Variants in SLC16A3 observed in about 807,000 individuals in gnomAD.
The protein encoded by SLC16A3 is monocarboxylate transporter 4.
Under a neutral mutation model 25.0 loss-of-function variants are expected in SLC16A3, and 22 were observed. The observed-to-expected ratio is 0.88, with a 90% CI of 0.63 to 1.26. SLC16A3 has a LOEUF of 1.26. SLC16A3 is among the 50% of genes most tolerant of loss of function. The pLI is 0.00. For synonymous variants in SLC16A3, 390 were observed against 309.2 expected (o/e 1.26, Z -2.74); for missense variants, 731 against 666.6 (o/e 1.10, Z -1.06).
intron 1 of SLC16A3, chr17:82,234,065 C>G (rs909542563): frequency 3.3e-5 from 5 of 152,240 alleles, no homozygotes; most frequent in East Asian, 1.9e-4. Context: ...TGGTCTCGAT[C>G]TCCTGACCTC....
rs776490272 is a variant in SLC16A3 at position 82,236,850 on chromosome 17, C to T, written c.345C>T (p.Tyr115=). ...TTTGCCGGAGCATCATCCAGGTCTA[C>T]CTCACCACTGGGGTCATCACGGGTG... ...ASFCRSIIQV[Y]LTTGVITGLG... The change falls in exon 3 of 5, where the codon TAC becomes TAT. Residue 115 remains tyrosine, a synonymous_variant. Transcript: ENST00000582743. 7 of 1,606,784 alleles carry T rather than the reference C, an allele frequency of 4.4e-6. No homozygotes were observed. Among genetic ancestry groups the T allele is most frequent in the South Asian group, 2.2e-5 (2 of 91,080 alleles).
At chr17:82,228,064 C>T (rs1442384930), upstream of SLC16A3, among the ~76,000 whole-genome samples, 1 of 152,192 alleles carries the variant, frequency 6.6e-6, no homozygotes, top group Non-Finnish European at 1.5e-5. Context: ...GTGCCTCGGT[C>T]CCCGAAGCCC....
chr17:82,224,187 C>T (rs553503144), upstream of SLC16A3, among the ~76,000 whole-genome samples: 1 of 96,572 alleles, frequency 1.0e-5, no homozygotes, highest in Non-Finnish European at 2.1e-5. Context: ...CCCCTACACC[C>T]GTGCACAGAC....
Position 82,236,726 on chromosome 17 carries a change from C to T in SLC16A3, c.224-3C>T, listed in dbSNP as rs2050612273. On this transcript the variant is annotated splice_region_variant and splice_polypyrimidine_tract_variant and intron_variant, in intron 2 of 4. Coordinates refer to ENST00000582743, the MANE Select transcript of SLC16A3 (RefSeq NM_004207.4). ...GGCCCCTCTCAGCTGCTGCCCTCTC[C>T]AGGTCCGCTCTGCAGTGTGTGCGTG... The T allele has an allele frequency of 5.0e-6, 8 of 1,605,126 alleles. No homozygotes were observed. The highest frequency in any genetic ancestry group is 3.3e-5 in the South Asian group (3 of 91,040).
chr17:82,232,252 ACGGGCCC>A (rs1418987223), intron 1 of SLC16A3: 1 of 152,322 alleles, frequency 6.6e-6, no homozygotes, highest in East Asian at 1.9e-4. Context: ...GTAACAGGCC[ACGGGCCC>A]CGGGCTCAGG....
intron 1 of SLC16A3, among the ~76,000 whole-genome samples, chr17:82,219,199 G>A (rs1428628962): frequency 1.3e-5 from 2 of 152,086 alleles, no homozygotes; most frequent in Non-Finnish European, 2.9e-5. Context: ...GGACACCCGG[G>A]ACCAGGCAGG....
intron 1 of SLC16A3, among the ~76,000 whole-genome samples, chr17:82,233,228 A>G (rs2050528773): frequency 6.6e-6 from 1 of 152,132 alleles, no homozygotes; most frequent in African/African-American, 2.4e-5. Context: ...GAACTCCTGG[A>G]GCCATTTCAG....
chr17:82,236,419 G>A (rs1269228754), intron 2 of SLC16A3, 188 bp downstream of exon 2: 8 of 654,048 alleles, frequency 1.2e-5, no homozygotes, highest in African/African-American at 5.5e-5. Flanking sequence ...GGCAGGGCGC[G>A]AAGTCCATCC....
chr17:82,222,505 G>A (rs550354759), intron 1 of SLC16A3, among the ~76,000 whole-genome samples: 83 of 152,298 alleles, frequency 5.4e-4, no homozygotes, highest in African/African-American at 1.8e-3. Flanking sequence ...TCATTCAGCC[G>A]TAAAAAGGTA....
intron 1 of SLC16A3, among the ~76,000 whole-genome samples, chr17:82,233,343 C>T (rs2050530916): frequency 6.6e-6 from 1 of 152,188 alleles, no homozygotes; most frequent in Non-Finnish European, 1.5e-5. Flanking sequence ...GCCCTCCCCA[C>T]ATGAGCGTCA....
chr17:82,225,516 G>T (rs1251094608), upstream of SLC16A3, among the ~76,000 whole-genome samples: 2 of 152,240 alleles, frequency 1.3e-5, no homozygotes, highest in African/African-American at 4.8e-5. Context: ...TGTGACAGTT[G>T]TGTCACCAGA....
Position 82,239,346 on chromosome 17 carries a change from C to T in SLC16A3, c.*370C>T, listed in dbSNP as rs963878938. 22 of 202,008 alleles carry T rather than the reference C, an allele frequency of 1.1e-4. No homozygotes were observed. The highest frequency in any genetic ancestry group is 4.6e-4 in the African/African-American group (20 of 43,326). 12.5% of individuals were successfully genotyped at this position (202,008 alleles called of 1,614,324 possible). On this transcript the variant is annotated 3_prime_UTR_variant, in exon 5 of 5. Coordinates refer to ENST00000582743, the MANE Select transcript of SLC16A3 (RefSeq NM_004207.4). ...AGACAGGCTGGCAGGGCAGGTGCTG[C>T]GTGGGGCCCTCTCCAGCCCGTCCTA...
intron 1 of SLC16A3, 113 bp from the exon 2 acceptor site, chr17:82,235,870 G>A: frequency 2.9e-6 from 2 of 683,446 alleles, no homozygotes. Context: ...GTGGGTGCCG[G>A]GCAGCTGCCC....
At chr17:82,237,071 G>A (rs994640735) in intron 3 of SLC16A3, 67 bp from the exon 4 acceptor site, 1 of 1,462,106 alleles carries the variant, frequency 6.8e-7, no homozygotes, top group African/African-American at 1.4e-5. Context: ...GAACCTGGGG[G>A]CAGAGATGAG....
upstream of SLC16A3, among the ~76,000 whole-genome samples, chr17:82,224,712 A>T (rs2050411071): frequency 6.6e-6 from 1 of 150,880 alleles, no homozygotes; most frequent in Non-Finnish European, 1.5e-5. Flanking sequence ...ACACCTGTGC[A>T]GACACAACCC....
At chr17:82,219,147 G>A (rs1427430324) in intron 1 of SLC16A3, among the ~76,000 whole-genome samples, 1 of 152,120 alleles carries the variant, frequency 6.6e-6, no homozygotes, top group Non-Finnish European at 1.5e-5. Context: ...CCATACATTG[G>A]GCTCAGGAGA....
chr17:82,221,523 C>T (rs1433160011), intron 1 of SLC16A3, among the ~76,000 whole-genome samples: 4 of 152,016 alleles, frequency 2.6e-5, no homozygotes, highest in South Asian at 2.1e-4. Flanking sequence ...GAGCTGAGAA[C>T]GCACCACTGC....
At chr17:82,228,242 G>C (rs1296576870), upstream of SLC16A3, among the ~76,000 whole-genome samples, 1 of 152,232 alleles carries the variant, frequency 6.6e-6, no homozygotes, top group African/African-American at 2.4e-5. Flanking sequence ...GAGAAAACAG[G>C]CTGGGAGAAG....
intron 1 of SLC16A3, among the ~76,000 whole-genome samples, chr17:82,222,667 G>T (rs569365871): frequency 6.6e-6 from 1 of 152,262 alleles, no homozygotes; most frequent in African/African-American, 2.4e-5. Flanking sequence ...AGCTGGGCGT[G>T]ATGGTGCACG....
Sources: allele counts gnomAD v4.1 joint callset (sites outside exome capture counted in the v4.1 genomes callset), GRCh38; gene constraint gnomAD v4.1.1; transcripts MANE v1.5; gene names NCBI Gene and HGNC (gene_info 2026-07-23, HGNC 2026-07-21).